ORC2: variants seen among roughly 807,000 people sequenced by gnomAD.
ORC2 encodes origin recognition complex subunit 2.
In ORC2, 37 loss-of-function variants were observed where a neutral mutation model predicts 77.7. The observed-to-expected ratio is 0.48, with a 90% CI of 0.37 to 0.63. The LOEUF (loss-of-function observed/expected upper bound fraction) is 0.63, where lower values mean the gene tolerates loss of function less well. Among genes scored for constraint, ORC2 ranks in the 20% least tolerant of loss-of-function variants. The pLI, the probability that ORC2 is intolerant of heterozygous loss-of-function variation, is 0.00. For synonymous variants in ORC2, 201 were observed against 229.5 expected (o/e 0.88, Z 1.12); for missense variants, 557 against 661.9 (o/e 0.84, Z 1.74).
At chr2:200,915,419 C>T (rs1322779989) in intron 15 of ORC2, among the ~76,000 whole-genome samples, 2 of 152,078 alleles carry the variant, frequency 1.3e-5, no homozygotes, top group South Asian at 2.1e-4. Flanking sequence ...TGGATGTTTA[C>T]ATTATTTCTA....
chr2:200,919,364 TTTA>T (rs1476864497), intron 15 of ORC2, among the ~76,000 whole-genome samples: 1 of 152,088 alleles, frequency 6.6e-6, no homozygotes, highest in Non-Finnish European at 1.5e-5. Context: ...ATGCAATTTC[TTTA>T]TTATTTTTTT....
chr2:200,955,087 A>G (rs1316876994), intron 4 of ORC2, among the ~76,000 whole-genome samples: 1 of 152,160 alleles, frequency 6.6e-6, no homozygotes, highest in South Asian at 2.1e-4. Context: ...GTGCCTCCAA[A>G]TATCATTTGC....
At chr2:200,955,172 A>G (rs1191867888) in intron 4 of ORC2, among the ~76,000 whole-genome samples, 2 of 152,110 alleles carry the variant, frequency 1.3e-5, no homozygotes, top group East Asian at 3.8e-4. Flanking sequence ...TTAAGAGACA[A>G]TTTTTATGAT....
intron 15 of ORC2, among the ~76,000 whole-genome samples, chr2:200,916,235 C>T (rs973173957): frequency 1.3e-5 from 2 of 152,108 alleles, no homozygotes; most frequent in Non-Finnish European, 2.9e-5. Context: ...GTAATCCCAG[C>T]ACTTTGGGAG....
chr2:200,958,148 T>C lies in ORC2; in HGVS notation c.-10-15A>G, dbSNP rs1426090029. ...TTGTTGCCAACCTAAACAAAAACAG[T>C]AAGTTACTCAAAAGTGATGAAGAAT... On this transcript the variant is annotated splice_polypyrimidine_tract_variant and intron_variant, in intron 2 of 17. Coordinates refer to ENST00000234296, the MANE Select transcript of ORC2 (RefSeq NM_006190.5). 1 of 1,458,296 alleles carries C rather than the reference T, an allele frequency of 6.9e-7. No individual in the cohort carries two copies. Among genetic ancestry groups the C allele is most frequent in the Admixed American group, 1.7e-5 (1 of 59,660 alleles). The allele number at this position is 1,458,296 out of a possible 1,614,324, so 90.3% of individuals were successfully genotyped here. A position where few individuals can be genotyped will look rare whatever the true frequency, so the allele number is the denominator to read the frequency against.
chr2:200,952,709 C>T (rs1258862199), intron 4 of ORC2, among the ~76,000 whole-genome samples: 1 of 151,774 alleles, frequency 6.6e-6, no homozygotes, highest in African/African-American at 2.4e-5. Flanking sequence ...AAGCCTACTA[C>T]ACTCAGATAG....
chr2:200,933,459 GAT>G (rs1219313112), intron 10 of ORC2, among the ~76,000 whole-genome samples: 2 of 152,072 alleles, frequency 1.3e-5, no homozygotes, highest in Non-Finnish European at 2.9e-5. Flanking sequence ...ATGGTAAATG[GAT>G]ATCAAGGAAC....
At chr2:200,934,774 TCTTCTCACACTA>T (rs2041005781) in intron 9 of ORC2, among the ~76,000 whole-genome samples, 2 of 152,246 alleles carry the variant, frequency 1.3e-5, no homozygotes, top group South Asian at 4.1e-4. Context: ...AGCGGAATTT[TCTTCTCACACTA>T]TTTGTTCTTC....
Position 200,957,535 on chromosome 2 carries a change from A to G in ORC2, c.104T>C (p.Leu35Ser). ...CAAAAGCTGCGCTCGCTCCTTCTTC[A>G]ATTTAGCTCCTATAAGAACATCCAA... ...HILDREGGAKLKKERAQLLVN... is the reference protein window; with the variant it reads ...HILDREGGAKSKKERAQLLVN... Residue 35 changes from leucine to serine, a missense_variant, in exon 4 of 18, where the codon TTG becomes TCG. Leu to Ser is a moderately radical substitution (Grantham distance 145, BLOSUM62 -2). Coordinates refer to ENST00000234296, the MANE Select transcript of ORC2 (RefSeq NM_006190.5). 1.2e-6 allele frequency: 2 copies of G among 1,600,892 alleles called. No individual in the cohort carries two copies. The highest frequency in any genetic ancestry group is 1.7e-6 in the Non-Finnish European group (2 of 1,173,958).
At chr2:200,934,066 G>A (rs568206460) in intron 9 of ORC2, 92 bp from the exon 10 acceptor site, 82 of 600,870 alleles carry the variant, frequency 1.4e-4, no homozygotes, top group African/African-American at 1.2e-3. Context: ...AATAGGACAC[G>A]TGAAATTCTT....
At chr2:200,953,338 T>C (rs2041400364) in intron 4 of ORC2, among the ~76,000 whole-genome samples, 1 of 150,438 alleles carries the variant, frequency 6.6e-6, no homozygotes, top group African/African-American at 2.4e-5. Flanking sequence ...AAGACTGACC[T>C]CTGAGAATTT....
chr2:200,925,892 C>T lies in ORC2; in HGVS notation c.1091G>A (p.Gly364Asp), dbSNP rs1331208948. Residue 364 changes from glycine (G) to aspartate (D), a missense_variant, in exon 13 of 18, where the codon GGT becomes GAT. Physicochemically the swap from Gly to Asp is moderately conservative, Grantham distance 94. Transcript: ENST00000234296. ...SITEEVLDHM[G>D]TFRSILDQLD... is the part of the protein sequence containing the mutation. ...CTGATCCAGTATACTGCGGAAAGTACCCATATGATCGAGGACTTCTTCTGT... is the reference window on the plus strand; with the variant it reads ...CTGATCCAGTATACTGCGGAAAGTATCCATATGATCGAGGACTTCTTCTGT... 3.1e-6 allele frequency: 5 copies of T among 1,598,954 alleles called. No individual in the cohort carries two copies. Among genetic ancestry groups the T allele is most frequent in the African/African-American group, 1.3e-5 (1 of 74,734 alleles).
Position 200,958,080 on chromosome 2 carries a change from T to C in ORC2, c.44A>G (p.His15Arg). Residue 15 changes from histidine to arginine, a missense_variant, in exon 3 of 18, where the codon CAC becomes CGC. Physicochemically the swap from His to Arg is conservative, Grantham distance 29. Coordinates refer to ENST00000234296, the MANE Select transcript of ORC2 (RefSeq NM_006190.5). The stretch of plus-strand genomic sequence containing the variant: ...AAGAACATCATCATCTCCCACAAAG[T>C]GAACCTCCAGCATCTTGTCTTCCTT... ...ELKEDKMLEV[H>R]FVGDDDVLNH... The C allele has an allele frequency of 6.2e-7, 1 of 1,612,598 alleles. No individual in the cohort carries two copies. The highest frequency in any genetic ancestry group is 8.5e-7 in the Non-Finnish European group (1 of 1,179,012).
chr2:200,931,000 A>AT (rs927738225), intron 11 of ORC2, among the ~76,000 whole-genome samples: 18 of 151,564 alleles, frequency 1.2e-4, no homozygotes, highest in African/African-American at 4.1e-4. Flanking sequence ...AAACTTTATA[A>AT]TTTTTTTTTC....
intron 5 of ORC2, among the ~76,000 whole-genome samples, chr2:200,948,855 G>C (rs917888633): frequency 6.6e-6 from 1 of 152,122 alleles, no homozygotes; most frequent in African/African-American, 2.4e-5. Flanking sequence ...ACAGCCGTGA[G>C]CAACCATGCC....
intron 8 of ORC2, among the ~76,000 whole-genome samples, chr2:200,937,263 G>A (rs1413412871): frequency 6.6e-6 from 1 of 152,156 alleles, no homozygotes; most frequent in Non-Finnish European, 1.5e-5. Context: ...TAGTTGACAT[G>A]AAATAACAAT....
intron 4 of ORC2, among the ~76,000 whole-genome samples, chr2:200,950,097 C>T (rs557864619): frequency 6.6e-6 from 1 of 152,172 alleles, no homozygotes; most frequent in Non-Finnish European, 1.5e-5. Context: ...CTTTGGGAGG[C>T]TGAGCCAGGT....
At position 200,920,978 on chromosome 2, in the gene ORC2, TA is replaced by T. The variant is rs765609330; in HGVS notation, c.1294+14del. 6.6e-6 allele frequency: 10 copies of T among 1,507,284 alleles called. No individual in the cohort carries two copies. The African/African-American group carries it at 1.4e-4, about 21-fold the overall frequency. 93.4% of individuals were successfully genotyped at this position (1,507,284 alleles called of 1,614,324 possible). On this transcript the variant is annotated intron_variant, in intron 14 of 17. Transcript: ENST00000234296. ...CTGATATCTCTAGAAGGAAAAATAG[TA>T]ACAATTAACTTACTGAGAGGAGCAT...
chr2:200,914,110 G>T, intron 15 of ORC2, 118 bp from the exon 16 acceptor site: 2 of 596,860 alleles, frequency 3.4e-6, no homozygotes. Flanking sequence ...ATTATCTTCT[G>T]TTCCTCCAAG....
Sources: allele counts gnomAD v4.1 joint callset (sites outside exome capture counted in the v4.1 genomes callset), GRCh38; gene constraint gnomAD v4.1.1; transcripts MANE v1.5; gene names NCBI Gene and HGNC (gene_info 2026-07-23, HGNC 2026-07-21).